The following CIMIP4 variants were observed in gnomAD, a reference collection of about 807,000 sequenced individuals.
CIMIP4 encodes ciliary microtubule inner protein 4, also known as protein EAN57.
At chr22:36,999,546 GGGAGA>G in the CIMIP4 span, among the ~76,000 whole-genome samples, 1 of 26,664 alleles carries the variant, frequency 3.8e-5, no homozygotes, top group African/African-American at 2.6e-4. Context: ...GGGAGGGGAG[GGGAGA>G]GAAGGGGAGG....
the CIMIP4 span, among the ~76,000 whole-genome samples, chr22:36,992,363 AAAC>A: frequency 9.9e-5 from 15 of 152,226 alleles, no homozygotes; most frequent in African/African-American, 3.4e-4. Flanking sequence ...ACAAACAAAC[AAAC>A]AAAAAACCTA....
chr22:37,004,245 T>C, the CIMIP4 span, among the ~76,000 whole-genome samples: 2 of 152,150 alleles, frequency 1.3e-5, no homozygotes, highest in Non-Finnish European at 2.9e-5. Flanking sequence ...CCTGGACTTC[T>C]GCAGCCTCTG....
chr22:37,005,486 A>G, the CIMIP4 span, among the ~76,000 whole-genome samples: 1 of 152,182 alleles, frequency 6.6e-6, no homozygotes, highest in Non-Finnish European at 1.5e-5. Context: ...ACTTGGAACC[A>G]AGCGGTGGTC....
At chr22:37,006,117 G>C in the CIMIP4 span, among the ~76,000 whole-genome samples, 1 of 152,194 alleles carries the variant, frequency 6.6e-6, no homozygotes, top group Non-Finnish European at 1.5e-5. Flanking sequence ...AGTTAAAAAG[G>C]GGTGTGACTT....
chr22:37,003,887 G>C, the CIMIP4 span: 1 of 1,442,246 alleles, frequency 6.9e-7, no homozygotes, highest in Non-Finnish European at 9.3e-7. Flanking sequence ...AGGAGAAAGG[G>C]CCGGTGCCCT....
At chr22:37,006,668 G>T in the CIMIP4 span, among the ~76,000 whole-genome samples, 3 of 152,164 alleles carry the variant, frequency 2.0e-5, no homozygotes, top group African/African-American at 4.8e-5. Context: ...CTTAGGAGGG[G>T]ATGACTATAT....
chr22:37,005,432 C>G, the CIMIP4 span, among the ~76,000 whole-genome samples: 1 of 152,150 alleles, frequency 6.6e-6, no homozygotes, highest in Admixed American at 6.6e-5. Context: ...TTGGTACTAA[C>G]AGTGGGGTGT....
chr22:36,999,774 C>T, the CIMIP4 span: 24 of 1,556,964 alleles, frequency 1.5e-5, no homozygotes, highest in Non-Finnish European at 2.1e-5. Flanking sequence ...ACCCCAAAGG[C>T]CTTCCCTGCC....
the CIMIP4 span, among the ~76,000 whole-genome samples, chr22:36,993,016 C>CTTT: frequency 1.5e-5 from 2 of 136,266 alleles, no homozygotes; most frequent in Admixed American, 7.4e-5. Context: ...TTTTTTTTTT[C>CTTT]TTTTTTTTTT....
chr22:37,003,963 T>C, the CIMIP4 span: 2 of 1,550,198 alleles, frequency 1.3e-6, no homozygotes, highest in African/African-American at 2.7e-5. Flanking sequence ...CTGCCTGTCC[T>C]ACCTGCTCCG....
chr22:36,992,403 G>A, the CIMIP4 span, among the ~76,000 whole-genome samples: 1 of 151,986 alleles, frequency 6.6e-6, no homozygotes, highest in Non-Finnish European at 1.5e-5. Context: ...CCATAAGAGA[G>A]AATAAAAATA....
At chr22:37,000,285 A>T in the CIMIP4 span, among the ~76,000 whole-genome samples, 11 of 151,982 alleles carry the variant, frequency 7.2e-5, no homozygotes, top group African/African-American at 2.7e-4. Context: ...ATAGGGTGCC[A>T]CTCTTCCCAC....
At chr22:37,000,932 C>G in the CIMIP4 span, among the ~76,000 whole-genome samples, 1 of 152,142 alleles carries the variant, frequency 6.6e-6, no homozygotes, top group Admixed American at 6.5e-5. Flanking sequence ...CTAGGAGAAG[C>G]CTGACCCCCA....
chr22:37,002,592 G>A, the CIMIP4 span, among the ~76,000 whole-genome samples: 2 of 152,204 alleles, frequency 1.3e-5, no homozygotes, highest in Non-Finnish European at 2.9e-5. Context: ...TGCCGCCTAA[G>A]CCTGTCCCGC....
At chr22:36,992,600 C>T in the CIMIP4 span, among the ~76,000 whole-genome samples, 6 of 152,186 alleles carry the variant, frequency 3.9e-5, no homozygotes, top group South Asian at 2.1e-4. Context: ...GAGACAAGAT[C>T]GGCTATGTAT....
chr22:36,995,449 G>A, the CIMIP4 span, among the ~76,000 whole-genome samples: 1 of 152,144 alleles, frequency 6.6e-6, no homozygotes, highest in East Asian at 1.9e-4. Flanking sequence ...CGGTGAGTTG[G>A]GAGGCAGAAA....
chr22:37,004,466 C>G, the CIMIP4 span, among the ~76,000 whole-genome samples: 1 of 152,208 alleles, frequency 6.6e-6, no homozygotes, highest in Non-Finnish European at 1.5e-5. Context: ...TCCTGGCAAC[C>G]ATTTGTCTTC....
the CIMIP4 span, among the ~76,000 whole-genome samples, chr22:37,003,082 A>G: frequency 6.6e-6 from 1 of 152,274 alleles, no homozygotes; most frequent in African/African-American, 2.4e-5. Flanking sequence ...AAGTCCTCTT[A>G]AAAGATACAT....
the CIMIP4 span, among the ~76,000 whole-genome samples, chr22:37,002,543 C>CG: frequency 6.6e-6 from 1 of 152,118 alleles, no homozygotes; most frequent in Non-Finnish European, 1.5e-5. Context: ...GTGCCTCCCA[C>CG]GGGCAGGGTT....
Sources: allele counts gnomAD v4.1 joint callset (sites outside exome capture counted in the v4.1 genomes callset), GRCh38; gene constraint gnomAD v4.1.1; transcripts MANE v1.5; gene names NCBI Gene and HGNC (gene_info 2026-07-23, HGNC 2026-07-21).